Variants in KLHL32 observed in about 807,000 individuals in gnomAD.
KLHL32 encodes the protein kelch-like protein 32.
A neutral mutation model predicts 64.8 loss-of-function variants in KLHL32; 35 were observed. The observed-to-expected ratio is 0.54, with a 90% CI of 0.41 to 0.72. The LOEUF is 0.72. Among genes scored for constraint, KLHL32 ranks in the 30% least tolerant of loss-of-function variants. The probability of loss-of-function intolerance (pLI) is 0.00; values close to 1 mark genes in which losing one functional copy is unlikely to be tolerated. For missense variants in KLHL32, 589 were observed against 768.5 expected (o/e 0.77, Z 2.76); for synonymous variants, 259 against 281.0 (o/e 0.92, Z 0.78).
chr6:97,079,193 T>C (rs1191241519), intron 5 of KLHL32, among the ~76,000 whole-genome samples: 1 of 152,302 alleles, frequency 6.6e-6, no homozygotes, highest in East Asian at 1.9e-4. Flanking sequence ...GTATGAACTT[T>C]GGTCATTTAT....
chr6:97,035,380 G>C (rs1008617493), intron 3 of KLHL32, among the ~76,000 whole-genome samples: 1 of 152,016 alleles, frequency 6.6e-6, no homozygotes, highest in Non-Finnish European at 1.5e-5. Context: ...CACCATTACA[G>C]TGTTACATTA....
chr6:96,985,478 G>C (rs1776906204), intron 3 of KLHL32, among the ~76,000 whole-genome samples: 1 of 152,146 alleles, frequency 6.6e-6, no homozygotes. Context: ...TTCCAACTTG[G>C]TTCCATTCTC....
At chr6:96,911,448 C>A in the KLHL32 span, among the ~76,000 whole-genome samples, 1 of 152,282 alleles carries the variant, frequency 6.6e-6, no homozygotes, top group East Asian at 1.9e-4. Flanking sequence ...GCTTCTCAAT[C>A]AGCTGTCTAT....
At chr6:96,976,751 A>C (rs1362627930) in intron 3 of KLHL32, among the ~76,000 whole-genome samples, 1 of 152,016 alleles carries the variant, frequency 6.6e-6, no homozygotes, top group Non-Finnish European at 1.5e-5. Context: ...GGGACATGCC[A>C]CCACACCTGG....
chr6:96,954,975 C>G (rs1773083484), intron 1 of KLHL32, among the ~76,000 whole-genome samples: 1 of 152,184 alleles, frequency 6.6e-6, no homozygotes, highest in Non-Finnish European at 1.5e-5. Flanking sequence ...AGTCAAAGAT[C>G]AAGATGCTGC....
chr6:96,967,233 G>A (rs745445941), intron 2 of KLHL32, 150 bp downstream of exon 2: 112 of 651,598 alleles, frequency 1.7e-4, no homozygotes, highest in Non-Finnish European at 2.7e-5. Context: ...TACTGTGGTG[G>A]CACAAGGACT....
chr6:96,958,512 C>A (rs1326792827), intron 1 of KLHL32, among the ~76,000 whole-genome samples: 2 of 152,112 alleles, frequency 1.3e-5, no homozygotes, highest in Non-Finnish European at 2.9e-5. Context: ...GTCTGTATGA[C>A]TGTAACCAGA....
At chr6:96,909,192 T>G in the KLHL32 span, among the ~76,000 whole-genome samples, 1 of 152,004 alleles carries the variant, frequency 6.6e-6, no homozygotes. Flanking sequence ...TGCCTATCCT[T>G]TGGTAGGGTT....
chr6:96,948,862 TCTC>T lies in KLHL32; in HGVS notation c.-65-18127_-65-18125del, dbSNP rs548987761. Among the ~76,000 whole-genome samples, 60 of 152,204 alleles carry T rather than the reference TCTC, an allele frequency of 3.9e-4. No homozygotes were observed. The South Asian group carries it at 5.6e-3, about 14-fold the overall frequency. ...ACTGAGCCAAGAAAACATACTCCACTCTCCTCCTCTTTTTCTGACTCATGCGAA... is the reference window on the plus strand; with the variant it reads ...ACTGAGCCAAGAAAACATACTCCACTCTCCTCTTTTTCTGACTCATGCGAA... On this transcript the variant is annotated intron_variant, in intron 1 of 10. Coordinates refer to ENST00000369261, the MANE Select transcript of KLHL32 (RefSeq NM_052904.4).
At chr6:97,125,240 T>A (rs1209540288) in intron 7 of KLHL32, among the ~76,000 whole-genome samples, 1 of 152,204 alleles carries the variant, frequency 6.6e-6, no homozygotes, top group Non-Finnish European at 1.5e-5. Flanking sequence ...GAGAGAGTAA[T>A]GATTGGCCTG....
the KLHL32 span, among the ~76,000 whole-genome samples, chr6:96,900,009 G>GAACACAACAACACATCAACAC: frequency 1.9e-4 from 29 of 152,286 alleles, no homozygotes; most frequent in Admixed American, 1.2e-3. Context: ...TCAACACATT[G>GAACACAACAACACATCAACAC]AACAGCTAGT....
intron 3 of KLHL32, chr6:97,025,149 TG>T: frequency 2.0e-6 from 2 of 978,884 alleles, no homozygotes; most frequent in Non-Finnish European, 2.4e-6. Flanking sequence ...CCTGATGAAT[TG>T]GTATAAAGAA....
At chr6:96,910,809 GATAAA>G in the KLHL32 span, among the ~76,000 whole-genome samples, 2 of 152,036 alleles carry the variant, frequency 1.3e-5, no homozygotes, top group East Asian at 3.9e-4. Context: ...GCAGTTTGTT[GATAAA>G]ATAAGAGAAC....
chr6:97,129,201 T>A (rs1799184115), intron 8 of KLHL32, among the ~76,000 whole-genome samples: 1 of 152,188 alleles, frequency 6.6e-6, no homozygotes, highest in African/African-American at 2.4e-5. Flanking sequence ...GTGGACCAAT[T>A]TTTATACAAA....
chr6:97,057,471 C>CAAAAAAT, intron 4 of KLHL32, among the ~76,000 whole-genome samples: 1 of 89,138 alleles, frequency 1.1e-5, no homozygotes, highest in Non-Finnish European at 2.0e-5. Context: ...CGTGAGCCAC[C>CAAAAAAT]GCGCCCGGCC....
intron 4 of KLHL32, among the ~76,000 whole-genome samples, chr6:97,056,106 C>CTTTTTTTTTTTTTTTTT (rs1171932769): frequency 1.2e-5 from 1 of 85,080 alleles, no homozygotes; most frequent in African/African-American, 5.4e-5. Context: ...CTTTTTTTTT[C>CTTTTTTTTTTTTTTTTT]TTTTTTTTTT....
chr6:97,132,442 T>G (rs943249077), intron 9 of KLHL32, among the ~76,000 whole-genome samples: 9 of 152,196 alleles, frequency 5.9e-5, no homozygotes, highest in African/African-American at 2.2e-4. Flanking sequence ...AATAAGTGTT[T>G]TGGCCTGGTT....
intron 7 of KLHL32, among the ~76,000 whole-genome samples, chr6:97,122,239 G>T (rs998768077): frequency 3.3e-5 from 5 of 152,128 alleles, no homozygotes; most frequent in Non-Finnish European, 7.4e-5. Context: ...TGCCTTTATA[G>T]GTATTTTGTA....
chr6:96,983,842 A>G (rs1216901816), intron 3 of KLHL32, among the ~76,000 whole-genome samples: 1 of 152,070 alleles, frequency 6.6e-6, no homozygotes, highest in Non-Finnish European at 1.5e-5. Flanking sequence ...TCCTGGATTC[A>G]TTGATTTTTT....
Sources: allele counts gnomAD v4.1 joint callset (sites outside exome capture counted in the v4.1 genomes callset), GRCh38; gene constraint gnomAD v4.1.1; transcripts MANE v1.5; gene names NCBI Gene and HGNC (gene_info 2026-07-23, HGNC 2026-07-21).